CACNB4: variants seen among roughly 807,000 people sequenced by gnomAD.
CACNB4 encodes calcium voltage-gated channel auxiliary subunit beta 4.
CACNB4 carries 32 observed loss-of-function variants against 71.2 expected under a neutral mutation model. That is an observed-to-expected ratio of 0.45 (90% CI 0.34 to 0.60). The LOEUF is 0.60. Ranked by LOEUF, CACNB4 falls within the 20% of genes least tolerant of loss-of-function variation. The probability of loss-of-function intolerance (pLI) is 0.01; values close to 1 mark genes in which losing one functional copy is unlikely to be tolerated. For synonymous variants in CACNB4, 231 were observed against 236.9 expected, an observed-to-expected ratio of 0.97 and a Z score of 0.23; for missense variants, 464 against 647.9, an observed-to-expected ratio of 0.72 and a Z score of 3.08.
At chr2:152,024,654 T>A (rs1350558426) in intron 2 of CACNB4, among the ~76,000 whole-genome samples, 1 of 152,248 alleles carries the variant, frequency 6.6e-6, no homozygotes, top group African/African-American at 2.4e-5. Context: ...ATCCACAGCA[T>A]CATTGTATAT....
At position 151,836,185 on chromosome 2, in the gene CACNB4, A is replaced by G. The variant is rs902111842; in HGVS notation, c.*2934T>C. 1.3e-5 allele frequency: 2 copies of G among 151,838 alleles called. No individual in the cohort carries two copies. Among genetic ancestry groups the G allele is most frequent in the African/African-American group, 2.4e-5 (1 of 41,434 alleles). The allele number at this position is 151,838 out of a possible 1,614,324, so 9.4% of individuals were successfully genotyped here. ...CAGAACTACATTTCCACATTGTCAC[A>G]TGAGTCCACATTATTATATGTCTGT... On this transcript the variant is annotated 3_prime_UTR_variant, in exon 14 of 14. Transcript: ENST00000539935.
chr2:151,846,367 G>A (rs777856921), intron 12 of CACNB4, among the ~76,000 whole-genome samples: 3 of 152,142 alleles, frequency 2.0e-5, no homozygotes, highest in Non-Finnish European at 4.4e-5. Context: ...CACTGGGTAA[G>A]TCTTCCTTAA....
At chr2:151,931,460 A>G (rs368705474) in intron 2 of CACNB4, among the ~76,000 whole-genome samples, 3 of 152,338 alleles carry the variant, frequency 2.0e-5, no homozygotes, top group East Asian at 1.9e-4. Context: ...CAGCATGTGT[A>G]GTATGTGACA....
At chr2:151,847,616 G>A (rs541206177) in intron 12 of CACNB4, among the ~76,000 whole-genome samples, 18 of 152,132 alleles carry the variant, frequency 1.2e-4, no homozygotes, top group Admixed American at 3.3e-4. Context: ...TGATGGGTGC[G>A]GTGGCTCACA....
At chr2:151,948,640 AAC>A (rs1307344917) in intron 2 of CACNB4, among the ~76,000 whole-genome samples, 1 of 151,668 alleles carries the variant, frequency 6.6e-6, no homozygotes, top group East Asian at 2.0e-4. Context: ...CAGCCTGGGC[AAC>A]AGAGTGAGAT....
chr2:152,034,604 C>T (rs540554544), intron 2 of CACNB4, among the ~76,000 whole-genome samples: 17 of 152,296 alleles, frequency 1.1e-4, no homozygotes, highest in African/African-American at 3.1e-4. Context: ...TCTCACTTAA[C>T]GATCTGTATA....
intron 2 of CACNB4, chr2:151,974,045 G>T: frequency 1.0e-6 from 1 of 963,178 alleles, no homozygotes; most frequent in Non-Finnish European, 1.3e-6. Flanking sequence ...GCGTTCCCTC[G>T]GAGAGTGGAG....
At chr2:151,916,488 A>G (rs2099857574) in intron 2 of CACNB4, among the ~76,000 whole-genome samples, 1 of 152,252 alleles carries the variant, frequency 6.6e-6, no homozygotes, top group South Asian at 2.1e-4. Flanking sequence ...ATTTATGAAA[A>G]AAAAAGAGAA....
At chr2:152,085,825 AAAAC>A (rs1553836052) in intron 2 of CACNB4, among the ~76,000 whole-genome samples, 68 of 149,888 alleles carry the variant, frequency 4.5e-4, no homozygotes, top group African/African-American at 1.4e-3. Context: ...AAAAAAAAAA[AAAAC>A]AAACAAACAA....
intron 2 of CACNB4, among the ~76,000 whole-genome samples, chr2:152,033,246 G>T (rs1434518476): frequency 1.3e-5 from 2 of 152,212 alleles, no homozygotes; most frequent in Non-Finnish European, 2.9e-5. Context: ...TTTTACAAAA[G>T]GGCAGCTTTT....
At chr2:151,907,423 A>G (rs543022800) in intron 2 of CACNB4, among the ~76,000 whole-genome samples, 1 of 152,354 alleles carries the variant, frequency 6.6e-6, no homozygotes, top group African/African-American at 2.4e-5. Context: ...TTAGATTTAC[A>G]GAAAAGTTGC....
chr2:151,869,081 CT>C, intron 9 of CACNB4, 95 bp downstream of exon 9: 1 of 743,384 alleles, frequency 1.3e-6, no homozygotes, highest in South Asian at 1.7e-5. Context: ...AACTAGAGAA[CT>C]TCTGAAATCT....
chr2:152,048,437 G>C (rs907767043), intron 2 of CACNB4: 2 of 152,338 alleles, frequency 1.3e-5, no homozygotes, highest in African/African-American at 4.8e-5. Context: ...GAATCCAAGG[G>C]AGAAAGAGAA....
chr2:151,908,625 T>A (rs961080957), intron 2 of CACNB4, among the ~76,000 whole-genome samples: 1 of 152,158 alleles, frequency 6.6e-6, no homozygotes, highest in African/African-American at 2.4e-5. Context: ...CATCTGTAGA[T>A]AAAAAGCCAA....
At chr2:152,037,988 C>T (rs779180077) in intron 2 of CACNB4, among the ~76,000 whole-genome samples, 2 of 152,158 alleles carry the variant, frequency 1.3e-5, no homozygotes, top group Admixed American at 6.5e-5. Flanking sequence ...CCAAGGAGGC[C>T]GTGACAAAAC....
intron 2 of CACNB4, among the ~76,000 whole-genome samples, chr2:151,912,138 T>C (rs892992467): frequency 6.6e-6 from 1 of 152,220 alleles, no homozygotes; most frequent in African/African-American, 2.4e-5. Flanking sequence ...TCGGTGATTT[T>C]TTGGAGTGTT....
At chr2:151,899,868 T>G (rs987692359) in intron 2 of CACNB4, among the ~76,000 whole-genome samples, 4 of 152,208 alleles carry the variant, frequency 2.6e-5, no homozygotes, top group African/African-American at 9.7e-5. Flanking sequence ...ACACGGTCCT[T>G]GCCTAATAAG....
intron 2 of CACNB4, among the ~76,000 whole-genome samples, chr2:151,917,220 T>C (rs1466256583): frequency 6.6e-6 from 1 of 152,202 alleles, no homozygotes; most frequent in African/African-American, 2.4e-5. Flanking sequence ...ATATCCCTGC[T>C]ATGAAAGACT....
intron 2 of CACNB4, among the ~76,000 whole-genome samples, chr2:152,060,906 T>C (rs1685977435): frequency 6.6e-6 from 1 of 152,256 alleles, no homozygotes; most frequent in Non-Finnish European, 1.5e-5. Context: ...TATGAAAAGA[T>C]GTAACAAAAT....
Sources: gnomAD v4.1 joint callset for allele counts (sites outside exome capture counted in the v4.1 genomes callset) on GRCh38, gnomAD v4.1.1 for gene constraint, MANE v1.5 for transcripts, NCBI Gene and HGNC (gene_info 2026-07-23, HGNC 2026-07-21) for gene names.